GRIK1: variants seen among roughly 807,000 people sequenced by gnomAD.
GRIK1 encodes glutamate ionotropic receptor kainate type subunit 1, also known as glutamate receptor ionotropic, kainate 1.
GRIK1 carries 69 observed loss-of-function variants against 105.7 expected under a neutral mutation model. That is an observed-to-expected ratio of 0.65 (90% CI 0.54 to 0.80). GRIK1 has a LOEUF of 0.80. GRIK1 is among the 30% of genes least tolerant of loss of function. The pLI, the probability that GRIK1 is intolerant of heterozygous loss-of-function variation, is 0.00. For missense variants in GRIK1, 1,109 were observed against 1,167.3 expected (o/e 0.95, Z 0.73); for synonymous variants, 438 against 431.3 (o/e 1.02, Z -0.19).
chr21:29,656,164 C>A (rs982665534), intron 4 of GRIK1, among the ~76,000 whole-genome samples: 3 of 151,088 alleles, frequency 2.0e-5, no homozygotes, highest in Non-Finnish European at 1.5e-5. Context: ...AGATAGAGAC[C>A]ATCCTGGTTA....
intron 1 of GRIK1, among the ~76,000 whole-genome samples, chr21:29,846,112 C>T (rs915596805): frequency 7.2e-5 from 11 of 152,144 alleles, no homozygotes; most frequent in Admixed American, 2.6e-4. Context: ...GCTTCTTGAC[C>T]GGGTGCAGTG....
intron 1 of GRIK1, among the ~76,000 whole-genome samples, chr21:29,790,345 C>T (rs1023384145): frequency 6.6e-5 from 10 of 152,242 alleles, no homozygotes; most frequent in African/African-American, 2.4e-4. Context: ...CCTCGCCTGG[C>T]CAAGTCCCCT....
At chr21:29,678,305 A>G (rs2063311828) in intron 3 of GRIK1, among the ~76,000 whole-genome samples, 1 of 152,232 alleles carries the variant, frequency 6.6e-6, no homozygotes, top group African/African-American at 2.4e-5. Context: ...CTGGGGAAAC[A>G]CAATGCTTTT....
At chr21:29,542,779 G>A (rs898650039) in intron 16 of GRIK1, among the ~76,000 whole-genome samples, 6 of 152,302 alleles carry the variant, frequency 3.9e-5, no homozygotes, top group African/African-American at 1.4e-4. Context: ...TTATTTTTCA[G>A]AAGCTCTGGC....
chr21:29,937,919 A>T lies in GRIK1; in HGVS notation c.118+1464T>A, dbSNP rs566127252. 7.3e-4 allele frequency among the ~76,000 whole-genome samples: 111 copies of T among 151,940 alleles called. 1 individual carries two copies. The highest frequency in any genetic ancestry group is 2.5e-3 in the South Asian group (12 of 4,812). On this transcript the variant is annotated intron_variant, in intron 1 of 17. Transcript: ENST00000327783. ...TATGTATAGTAGTAAGTTTTTTTTT[A>T]AAAAAATAAATACTTTGAAACTATT...
chr21:29,855,533 T>C (rs2068437737), intron 1 of GRIK1, among the ~76,000 whole-genome samples: 1 of 152,138 alleles, frequency 6.6e-6, no homozygotes, highest in East Asian at 1.9e-4. Flanking sequence ...ATATTGCCAG[T>C]GAAGTAGGCA....
At chr21:29,721,512 G>A (rs1237433902) in intron 1 of GRIK1, among the ~76,000 whole-genome samples, 14 of 151,028 alleles carry the variant, frequency 9.3e-5, no homozygotes, top group African/African-American at 3.4e-4. Flanking sequence ...AATCGACAAT[G>A]GGCAAAATGA....
At chr21:29,887,908 A>C (rs1344527048) in intron 1 of GRIK1, among the ~76,000 whole-genome samples, 3 of 152,044 alleles carry the variant, frequency 2.0e-5, no homozygotes, top group Non-Finnish European at 2.9e-5. Context: ...GCTAGGGATA[A>C]TGCTTTCCCA....
At chr21:29,688,330 A>G (rs2063522750) in intron 3 of GRIK1, among the ~76,000 whole-genome samples, 1 of 152,242 alleles carries the variant, frequency 6.6e-6, no homozygotes, top group Non-Finnish European at 1.5e-5. Context: ...CCAGAGTTTA[A>G]CATCAAAGAG....
intron 1 of GRIK1, among the ~76,000 whole-genome samples, chr21:29,735,378 C>T (rs901457472): frequency 1.6e-4 from 24 of 152,130 alleles, no homozygotes; most frequent in African/African-American, 5.3e-4. Flanking sequence ...AGAGGGGTAC[C>T]GCTTTCTAAT....
chr21:29,607,149 C>T (rs889850751), intron 7 of GRIK1, among the ~76,000 whole-genome samples: 10 of 152,088 alleles, frequency 6.6e-5, no homozygotes, highest in Non-Finnish European at 1.3e-4. Flanking sequence ...CCTGGCACTT[C>T]GTTCTCATCA....
chr21:29,684,547 G>A lies in GRIK1; in HGVS notation c.544+5181C>T, dbSNP rs1013927532. On this transcript the variant is annotated intron_variant, in intron 3 of 17. Transcript: ENST00000327783. The stretch of plus-strand genomic sequence containing the variant: ...TTTGAGATGGAGTCTTTGCTCAGAC[G>A]CCCAGGCTGGAGTGCAGTGGTGCGA... 3.3e-5 allele frequency among the ~76,000 whole-genome samples: 5 copies of A among 151,222 alleles called. No individual in the cohort carries two copies. The East Asian group carries it at 5.8e-4, about 18-fold the overall frequency.
intron 1 of GRIK1, among the ~76,000 whole-genome samples, chr21:29,711,193 T>C (rs1347260770): frequency 3.3e-5 from 5 of 152,288 alleles, no homozygotes; most frequent in African/African-American, 9.6e-5. Context: ...ATAACGATTA[T>C]TTTGGTCAAT....
chr21:29,912,860 A>AGCTACTTAT (rs2070867016), intron 1 of GRIK1, among the ~76,000 whole-genome samples: 1 of 152,080 alleles, frequency 6.6e-6, no homozygotes, highest in Non-Finnish European at 1.5e-5. Context: ...ATCAAGTAAT[A>AGCTACTTAT]GCTACTTATC....
chr21:29,705,684 T>C (rs2300315), intron 1 of GRIK1, among the ~76,000 whole-genome samples: 41,303 of 152,068 alleles, frequency 0.27, 8,955 homozygotes, highest in African/African-American at 0.59. Flanking sequence ...AGATTTATAC[T>C]ATCAAATCTT....
At position 29,907,572 on chromosome 21, in the gene GRIK1, C is replaced by T. The variant is rs565543790; in HGVS notation, c.118+31811G>A. ...TTGAGAAGAATCTAAGTTCAGCTAA[C>T]GCATTTTAATCAATTAAGAAGTTAT... is the stretch of plus-strand genomic sequence containing the variant. On this transcript the variant is annotated intron_variant, in intron 1 of 17. Transcript: ENST00000327783. Among the ~76,000 whole-genome samples the T allele has an allele frequency of 3.3e-5, 5 of 152,118 alleles. No homozygotes were observed. In the East Asian group the frequency reaches 9.7e-4, roughly 29 times the overall value.
At chr21:29,727,875 C>T (rs1233763967) in intron 1 of GRIK1, among the ~76,000 whole-genome samples, 1 of 152,128 alleles carries the variant, frequency 6.6e-6, no homozygotes, top group Non-Finnish European at 1.5e-5. Flanking sequence ...CATAATCTGC[C>T]GCCTGTAAGC....
intron 1 of GRIK1, among the ~76,000 whole-genome samples, chr21:29,880,639 A>T (rs1569185018): frequency 6.6e-6 from 1 of 152,272 alleles, no homozygotes; most frequent in East Asian, 1.9e-4. Flanking sequence ...GCAGATTGCC[A>T]AGTAGCATAT....
chr21:29,539,076 T>A (rs1009013218), intron 16 of GRIK1, among the ~76,000 whole-genome samples: 2 of 152,160 alleles, frequency 1.3e-5, no homozygotes. Flanking sequence ...TAAAAACTCA[T>A]GTCATGTGTG....
Sources: gnomAD v4.1 joint callset for allele counts (sites outside exome capture counted in the v4.1 genomes callset) on GRCh38, gnomAD v4.1.1 for gene constraint, MANE v1.5 for transcripts, NCBI Gene and HGNC (gene_info 2026-07-23, HGNC 2026-07-21) for gene names.